FBXL7: variants seen among roughly 807,000 people sequenced by gnomAD.
FBXL7 encodes the protein F-box and leucine rich repeat protein 7, also known as F-box/LRR-repeat protein 7.
Under a neutral mutation model 38.3 loss-of-function variants are expected in FBXL7, and 12 were observed. That is an observed-to-expected ratio of 0.31 (90% CI 0.20 to 0.51). The LOEUF is 0.51. Ranked by LOEUF, FBXL7 falls within the 20% of genes least tolerant of loss-of-function variation. The pLI, the probability that FBXL7 is intolerant of heterozygous loss-of-function variation, is 0.98. For synonymous variants in FBXL7, 297 were observed against 300.9 expected, an observed-to-expected ratio of 0.99 and a Z score of 0.13; for missense variants, 567 against 676.4, an observed-to-expected ratio of 0.84 and a Z score of 1.79.
intron 2 of FBXL7, among the ~76,000 whole-genome samples, chr5:15,773,931 A>T (rs1346626187): frequency 6.6e-6 from 1 of 152,126 alleles, no homozygotes; most frequent in Non-Finnish European, 1.5e-5. Context: ...CTGTGGTTCC[A>T]TGTTCTTAGA....
Position 15,500,507 on chromosome 5 carries a change from C to G in FBXL7, c.-170C>G. The G allele has an allele frequency of 1.2e-6, 1 of 854,666 alleles. No individual in the cohort carries two copies. The highest frequency in any genetic ancestry group is 2.0e-6 in the Non-Finnish European group (1 of 508,238). 52.9% of individuals were successfully genotyped at this position (854,666 alleles called of 1,614,324 possible). A position where few individuals can be genotyped will look rare whatever the true frequency, so the allele number is the denominator to read the frequency against. On this transcript the variant is annotated 5_prime_UTR_variant, in exon 1 of 4. Transcript: ENST00000504595. ...GGGGTGCCAGGAGGGGACGCAGCAC[C>G]CCCTCCCACTGGAGTGCGGGGACCT...
intron 2 of FBXL7, among the ~76,000 whole-genome samples, chr5:15,753,086 A>G (rs980354556): frequency 1.7e-4 from 26 of 152,278 alleles, no homozygotes; most frequent in Admixed American, 5.2e-4. Context: ...TCTGAGGATT[A>G]TAACTCCTCT....
intron 1 of FBXL7, among the ~76,000 whole-genome samples, chr5:15,596,570 A>G (rs1236562195): frequency 6.6e-6 from 1 of 152,226 alleles, no homozygotes; most frequent in Non-Finnish European, 1.5e-5. Flanking sequence ...AAAAATTTAC[A>G]AAGTTGTGCA....
At chr5:15,874,946 A>C (rs560699500) in intron 2 of FBXL7, among the ~76,000 whole-genome samples, 1 of 152,318 alleles carries the variant, frequency 6.6e-6, no homozygotes, top group African/African-American at 2.4e-5. Flanking sequence ...AAAAGAGCCC[A>C]TATAGCCAAG....
At chr5:15,521,185 C>T (rs1408635717) in intron 1 of FBXL7, among the ~76,000 whole-genome samples, 3 of 152,186 alleles carry the variant, frequency 2.0e-5, no homozygotes, top group Non-Finnish European at 4.4e-5. Context: ...CAGTTCTTCC[C>T]TCCAAGAGTT....
chr5:15,713,633 G>T (rs999842588), intron 2 of FBXL7, among the ~76,000 whole-genome samples: 1 of 152,130 alleles, frequency 6.6e-6, no homozygotes, highest in Non-Finnish European at 1.5e-5. Flanking sequence ...TCAGTAGCAT[G>T]ATTTTTTGTT....
intron 2 of FBXL7, among the ~76,000 whole-genome samples, chr5:15,622,774 G>A (rs564371925): frequency 1.6e-4 from 25 of 152,166 alleles, no homozygotes; most frequent in African/African-American, 4.6e-4. Context: ...GCATGATCTC[G>A]GCTCACTGCA....
intron 2 of FBXL7, among the ~76,000 whole-genome samples, chr5:15,691,903 A>G (rs1292673931): frequency 6.6e-6 from 1 of 152,154 alleles, no homozygotes; most frequent in African/African-American, 2.4e-5. Flanking sequence ...CTGGATTTGG[A>G]TGGTAGAAGC....
chr5:15,813,141 C>T (rs1275456896), intron 2 of FBXL7, among the ~76,000 whole-genome samples: 1 of 152,092 alleles, frequency 6.6e-6, no homozygotes, highest in Non-Finnish European at 1.5e-5. Context: ...TGCCTGATTG[C>T]CCTGGACAGA....
At position 15,928,011 on chromosome 5, in the gene FBXL7, G is replaced by A; in HGVS notation, c.249G>A (p.Glu83=). The change falls in exon 3 of 4, where the codon GAG becomes GAA. Residue 83 remains glutamate (E), a synonymous_variant. Coordinates refer to ENST00000504595, the MANE Select transcript of FBXL7 (RefSeq NM_012304.5). This position sits in a 1 kb window ranked among gnomAD's most constrained non-coding sequence, Gnocchi z 4.0. The part of the protein sequence containing the change: ...SSTSSSSITG[E]TVAMVHSPPP... ...CCTCCTCGTCCTCCATCACCGGGGA[G>A]ACGGTGGCCATGGTGCACTCCCCGC... is the stretch of plus-strand genomic sequence containing the variant. The A allele has an allele frequency of 1.2e-6, 2 of 1,604,824 alleles. No homozygotes were observed. The highest frequency in any genetic ancestry group is 2.2e-5 in the East Asian group (1 of 44,698).
intron 1 of FBXL7, among the ~76,000 whole-genome samples, chr5:15,504,261 T>G (rs1262172745): frequency 2.6e-5 from 4 of 152,232 alleles, no homozygotes; most frequent in Non-Finnish European, 5.9e-5. Context: ...AGTCATTCAT[T>G]TCATTTTTCT....
Position 15,939,417 on chromosome 5 carries a change from T to G in FBXL7, c.*2231T>G, listed in dbSNP as rs1742285121. 1 of 186,142 alleles carries G rather than the reference T, an allele frequency of 5.4e-6. No individual in the cohort carries two copies. The highest frequency in any genetic ancestry group is 2.3e-5 in the African/African-American group (1 of 42,930). 11.5% of individuals were successfully genotyped at this position (186,142 alleles called of 1,614,324 possible). ...TGAGCAGGGAGATCCAGAGAATGAA[T>G]CCCTGACCGCATCACCTAAACTGTC... On this transcript the variant is annotated 3_prime_UTR_variant, in exon 4 of 4. Coordinates refer to ENST00000504595, the MANE Select transcript of FBXL7 (RefSeq NM_012304.5).
chr5:15,624,975 C>A lies in FBXL7; in HGVS notation c.127+8903C>A, dbSNP rs570118333. Among the ~76,000 whole-genome samples, 3 of 151,808 alleles carry A rather than the reference C, an allele frequency of 2.0e-5. No individual in the cohort carries two copies. The South Asian group carries it at 6.2e-4, about 32-fold the overall frequency. On this transcript the variant is annotated intron_variant, in intron 2 of 3. Coordinates refer to ENST00000504595, the MANE Select transcript of FBXL7 (RefSeq NM_012304.5). ...TGCCACTTGATCTCTTTGCACATGC[C>A]CCCTCCCCTCCTGCTTTTTCCCATG...
chr5:15,858,747 T>G (rs1217117521), intron 2 of FBXL7, among the ~76,000 whole-genome samples: 1 of 152,190 alleles, frequency 6.6e-6, no homozygotes, highest in Non-Finnish European at 1.5e-5. Context: ...TTTTTGAGTC[T>G]GATTTAAGTT....
At chr5:15,761,266 T>G (rs1380833027) in intron 2 of FBXL7, among the ~76,000 whole-genome samples, 1 of 152,206 alleles carries the variant, frequency 6.6e-6, no homozygotes, top group East Asian at 1.9e-4. Context: ...TTTCCTCTCT[T>G]TAAAAATAAT....
chr5:15,629,283 C>A (rs570832229), intron 2 of FBXL7, among the ~76,000 whole-genome samples: 4 of 151,986 alleles, frequency 2.6e-5, no homozygotes, highest in African/African-American at 4.8e-5. Flanking sequence ...TCAGAAGAAA[C>A]GGAAATATAC....
At chr5:15,678,776 A>G (rs1438026227) in intron 2 of FBXL7, among the ~76,000 whole-genome samples, 1 of 152,140 alleles carries the variant, frequency 6.6e-6, no homozygotes, top group Non-Finnish European at 1.5e-5. Context: ...GCCGCCATGT[A>G]AGACATGCTT....
intron 2 of FBXL7, among the ~76,000 whole-genome samples, chr5:15,728,281 T>A: frequency 6.6e-6 from 1 of 152,120 alleles, no homozygotes; most frequent in East Asian, 1.9e-4. Context: ...TTTATTTGTG[T>A]GCCTTATTAT....
At chr5:15,742,596 T>TGCC in intron 2 of FBXL7, among the ~76,000 whole-genome samples, 1 of 152,332 alleles carries the variant, frequency 6.6e-6, no homozygotes, top group Admixed American at 6.5e-5. Context: ...TAGGACTACA[T>TGCC]TGTAATTTGC....
Sources: gnomAD v4.1 joint callset for allele counts (sites outside exome capture counted in the v4.1 genomes callset) on GRCh38, gnomAD v4.1.1 for gene constraint, Gnocchi (gnomAD v3.1) non-coding constraint, MANE v1.5 for transcripts, NCBI Gene and HGNC (gene_info 2026-07-23, HGNC 2026-07-21) for gene names.